NSMCE2: variants seen among roughly 807,000 people sequenced by gnomAD.
NSMCE2 encodes the protein E3 SUMO-protein ligase NSE2.
A neutral mutation model predicts 23.8 loss-of-function variants in NSMCE2; 24 were observed. The ratio of observed to expected loss-of-function variants is 1.01; its 90% CI spans 0.73 to 1.42. The LOEUF (loss-of-function observed/expected upper bound fraction) is 1.42. Among genes scored for constraint, NSMCE2 ranks in the 40% most tolerant of loss-of-function variants. The pLI, the probability that NSMCE2 is intolerant of heterozygous loss-of-function variation, is 0.00. For missense variants in NSMCE2, 284 were observed against 296.5 expected (o/e 0.96, Z 0.31); for synonymous variants, 92 against 94.1 (o/e 0.98, Z 0.13).
At chr8:125,323,239 T>A (rs1344250327) in intron 5 of NSMCE2, among the ~76,000 whole-genome samples, 1 of 152,236 alleles carries the variant, frequency 6.6e-6, no homozygotes, top group Non-Finnish European at 1.5e-5. Context: ...ATTGATCTGT[T>A]GATTCAAAGA....
intron 1 of NSMCE2, among the ~76,000 whole-genome samples, chr8:125,097,386 C>G (rs746163860): frequency 2.6e-5 from 4 of 152,144 alleles, no homozygotes; most frequent in Non-Finnish European, 5.9e-5. Context: ...ACACTATATT[C>G]CCAAAGAATG....
intron 5 of NSMCE2, among the ~76,000 whole-genome samples, chr8:125,202,482 G>C (rs1330784394): frequency 6.6e-6 from 1 of 152,194 alleles, no homozygotes; most frequent in African/African-American, 2.4e-5. Flanking sequence ...TGTAAGTTCA[G>C]ATAGTGGCAC....
intron 3 of NSMCE2, among the ~76,000 whole-genome samples, chr8:125,150,426 C>CTTTTTTTTTTTTTTTTTTTTTTTTT (rs71295819): frequency 4.9e-5 from 3 of 61,844 alleles, no homozygotes; most frequent in Admixed American, 2.5e-4. Flanking sequence ...TTCTTTCTTT[C>CTTTTTTTTTTTTTTTTTTTTTTTTT]TTTTTTTTTT....
rs565593006 is a variant in NSMCE2, at chr8:125,170,376, C to CTTTTTTTTTT, written c.265-11697_265-11688dup. Among the ~76,000 whole-genome samples the CTTTTTTTTTT allele has an allele frequency of 1.1e-3, 41 of 37,862 alleles. 13 individuals are homozygous for CTTTTTTTTTT. The highest frequency in any genetic ancestry group is 6.9e-3 in the East Asian group (5 of 726). The allele number at this position is 37,862 out of a possible 152,430, so 24.8% of individuals were successfully genotyped here. ...CATCAATAAACCTTACTCTTTATTT[C>CTTTTTTTTTT]TTTTTTTTTTTTTTTTTTTTTTTTT... is the stretch of plus-strand genomic sequence containing the variant. On this transcript the variant is annotated intron_variant, in intron 4 of 7. Transcript: ENST00000287437.
chr8:125,308,531 A>G (rs962761090), intron 5 of NSMCE2, among the ~76,000 whole-genome samples: 3 of 152,076 alleles, frequency 2.0e-5, no homozygotes, highest in Non-Finnish European at 4.4e-5. Flanking sequence ...TTAGTCACCT[A>G]TTTTTGCTGC....
chr8:125,160,542 C>T (rs1304270226), intron 4 of NSMCE2, among the ~76,000 whole-genome samples: 1 of 152,136 alleles, frequency 6.6e-6, no homozygotes, highest in Admixed American at 6.5e-5. Context: ...GGGAACTGGG[C>T]CAATGCAGAG....
chr8:125,323,585 C>T (rs1829535562), intron 5 of NSMCE2, among the ~76,000 whole-genome samples: 2 of 152,170 alleles, frequency 1.3e-5, no homozygotes, highest in African/African-American at 4.8e-5. Context: ...GAGAAAAGGA[C>T]AGCCTTTGCA....
chr8:125,261,753 AAAAAAC>A (rs1563750092), intron 5 of NSMCE2, among the ~76,000 whole-genome samples: 3 of 151,966 alleles, frequency 2.0e-5, no homozygotes. Flanking sequence ...AGTAAAAAAA[AAAAAAC>A]AAAAACAAAA....
At chr8:125,359,094 G>A (rs1010149123) in intron 7 of NSMCE2, among the ~76,000 whole-genome samples, 30 of 151,534 alleles carry the variant, frequency 2.0e-4, no homozygotes, top group Non-Finnish European at 3.8e-4. Flanking sequence ...GTGAAACCCC[G>A]ACTCTACTAA....
intron 3 of NSMCE2, among the ~76,000 whole-genome samples, chr8:125,125,104 A>G (rs576582673): frequency 2.0e-5 from 3 of 152,110 alleles, no homozygotes; most frequent in African/African-American, 7.2e-5. Context: ...TCTGCATACA[A>G]GATCATGTCA....
At chr8:125,166,786 C>G (rs929847063) in intron 4 of NSMCE2, among the ~76,000 whole-genome samples, 1 of 152,126 alleles carries the variant, frequency 6.6e-6, no homozygotes, top group Non-Finnish European at 1.5e-5. Flanking sequence ...GTTTAGAGTG[C>G]CTCAATAAGA....
intron 5 of NSMCE2, among the ~76,000 whole-genome samples, chr8:125,252,568 T>C (rs1826243274): frequency 6.6e-6 from 1 of 152,224 alleles, no homozygotes; most frequent in Non-Finnish European, 1.5e-5. Context: ...TTAAGATTTA[T>C]ATTTTCTTGC....
intron 5 of NSMCE2, among the ~76,000 whole-genome samples, chr8:125,336,269 T>C (rs1830061147): frequency 6.6e-6 from 1 of 152,206 alleles, no homozygotes. Flanking sequence ...AATCAATTAC[T>C]CAATTAAATT....
At chr8:125,288,715 G>C (rs1827991390) in intron 5 of NSMCE2, among the ~76,000 whole-genome samples, 1 of 152,162 alleles carries the variant, frequency 6.6e-6, no homozygotes, top group African/African-American at 2.4e-5. Flanking sequence ...TAACACTCGA[G>C]ATACTGTGTA....
chr8:125,222,079 A>G (rs963212080), intron 5 of NSMCE2, among the ~76,000 whole-genome samples: 1 of 152,144 alleles, frequency 6.6e-6, no homozygotes, highest in Non-Finnish European at 1.5e-5. Flanking sequence ...TATATGCCAG[A>G]AACTATAGGA....
At chr8:125,230,820 T>C (rs2130944587) in intron 5 of NSMCE2, among the ~76,000 whole-genome samples, 1 of 152,278 alleles carries the variant, frequency 6.6e-6, no homozygotes, top group South Asian at 2.1e-4. Context: ...AAAAATCATC[T>C]TCAAGATTTT....
chr8:125,339,044 G>T (rs1007717884), intron 5 of NSMCE2, among the ~76,000 whole-genome samples: 1 of 152,180 alleles, frequency 6.6e-6, no homozygotes, highest in African/African-American at 2.4e-5. Flanking sequence ...TGTCAAAACT[G>T]TTCTATGTTG....
intron 3 of NSMCE2, among the ~76,000 whole-genome samples, chr8:125,134,847 C>T (rs1819982010): frequency 6.6e-6 from 1 of 151,556 alleles, no homozygotes; most frequent in African/African-American, 2.4e-5. Flanking sequence ...CCTGTCTCAG[C>T]TTCCTGAGTA....
chr8:125,113,930 T>G (rs566731591), intron 3 of NSMCE2, among the ~76,000 whole-genome samples: 1 of 152,344 alleles, frequency 6.6e-6, no homozygotes, highest in African/African-American at 2.4e-5. Flanking sequence ...ACTACTTTTA[T>G]GAATTTGATA....
Sources: gnomAD v4.1 joint callset for allele counts (sites outside exome capture counted in the v4.1 genomes callset) on GRCh38, gnomAD v4.1.1 for gene constraint, MANE v1.5 for transcripts, NCBI Gene and HGNC (gene_info 2026-07-23, HGNC 2026-07-21) for gene names.